The following LAT variants were observed in gnomAD, a reference collection of about 807,000 sequenced individuals.
LAT encodes the protein linker for activation of T cells.
Under a neutral mutation model 39.1 loss-of-function variants are expected in LAT, and 12 were observed. The ratio of observed to expected loss-of-function variants is 0.31; its 90% CI spans 0.20 to 0.50. The LOEUF is 0.50. Ranked by LOEUF, LAT falls within the 20% of genes least tolerant of loss-of-function variation. The probability of loss-of-function intolerance (pLI) is 0.98; values close to 1 mark genes in which losing one functional copy is unlikely to be tolerated. For synonymous variants in LAT, 117 were observed against 123.8 expected (o/e 0.95, Z 0.36); for missense variants, 253 against 308.0 (o/e 0.82, Z 1.34).
rs1290999151 is a variant in LAT, at chr16:28,985,140, T to C, written c.-278T>C. ...GGTAGGGCTGGGACGCAGGGGTAAC[T>C]GGATCCCCCGACTTCAGCCCAGGCC... is the stretch of plus-strand genomic sequence containing the variant. On this transcript the variant is annotated 5_prime_UTR_variant, in exon 1 of 12. Transcript: ENST00000395456. The surrounding 1 kb of genome is among the most constrained non-coding windows in gnomAD (Gnocchi z 4.6). The C allele has an allele frequency of 7.0e-7, 1 of 1,426,910 alleles. No individual in the cohort carries two copies. The highest frequency in any genetic ancestry group is 2.9e-5 in the Admixed American group (1 of 34,344). 88.4% of individuals were successfully genotyped at this position (1,426,910 alleles called of 1,614,324 possible).
At chr16:28,989,643 G>A (rs1567532645) in intron 9 of LAT, 54 bp downstream of exon 9, 1 of 1,587,520 alleles carries the variant, frequency 6.3e-7, no homozygotes, top group South Asian at 1.1e-5. Context: ...GCCCCACCAT[G>A]CTCTCAGTGT....
At chr16:28,987,791 C>T (rs970709039) in intron 8 of LAT, 1 of 152,124 alleles carries the variant, frequency 6.6e-6, no homozygotes, top group Non-Finnish European at 1.5e-5. Context: ...AGGAGGCAGA[C>T]TGTCCTGATA....
rs1423227245 is a variant in LAT, at chr16:28,985,147, C to T, written c.-271C>T. 5 of 1,426,098 alleles carry T rather than the reference C, an allele frequency of 3.5e-6. No individual in the cohort carries two copies. The highest frequency in any genetic ancestry group is 1.8e-6 in the Non-Finnish European group (2 of 1,095,060). 88.3% of individuals were successfully genotyped at this position (1,426,098 alleles called of 1,614,324 possible). On this transcript the variant is annotated 5_prime_UTR_variant, in exon 1 of 12. Transcript: ENST00000395456. The surrounding 1 kb of genome is among the most constrained non-coding windows in gnomAD (Gnocchi z 4.6). ...CTGGGACGCAGGGGTAACTGGATCCCCCGACTTCAGCCCAGGCCCTGGTCT... is the reference window on the plus strand; with the variant it reads ...CTGGGACGCAGGGGTAACTGGATCCTCCGACTTCAGCCCAGGCCCTGGTCT...
rs764545334 is a variant in LAT, at chr16:28,986,202, C to T, written c.231C>T (p.Asp77=). The change falls in exon 4 of 12, where the codon GAC becomes GAT. Residue 77 remains aspartate, a synonymous_variant. Transcript: ENST00000395456. This position sits in a 1 kb window ranked among gnomAD's most constrained non-coding sequence, Gnocchi z 5.7. The part of the protein sequence containing the change: ...VTSYPPLSQP[D]LLPIPRSPQP... ...CCTACCCACCCCTGAGCCAGCCAGA[C>T]CTGCTCCCCATCCCGTGAGTAGCTG... The T allele has an allele frequency of 1.9e-6, 3 of 1,600,956 alleles. No homozygotes were observed.
In LAT at chr16:28,986,006, C is replaced by G; in HGVS notation, c.163+118C>G. The G allele has an allele frequency of 7.0e-7, 1 of 1,431,096 alleles. No individual in the cohort carries two copies. The highest frequency in any genetic ancestry group is 1.7e-5 in the Admixed American group (1 of 59,476). 88.6% of individuals were successfully genotyped at this position (1,431,096 alleles called of 1,614,324 possible). On this transcript the variant is annotated intron_variant, in intron 3 of 11. Coordinates refer to ENST00000395456, the MANE Select transcript of LAT (RefSeq NM_001014987.2). The surrounding 1 kb of genome is among the most constrained non-coding windows in gnomAD (Gnocchi z 5.7). ...TTGGGGCTGCCCACATGGCCTTGAC[C>G]TGAGCTGGGAGAGGGGAGATGGCTC...
At chr16:28,989,196 C>T (rs916202938) in intron 8 of LAT, 27 of 257,590 alleles carry the variant, frequency 1.0e-4, no homozygotes, top group African/African-American at 6.0e-4. Context: ...TCCCACTGCT[C>T]CGAGCCGCAC....
intron 8 of LAT, 181 bp from the exon 9 acceptor site, chr16:28,989,346 C>A (rs1282956655): frequency 1.7e-6 from 1 of 595,860 alleles, no homozygotes; most frequent in Non-Finnish European, 3.0e-6. Context: ...ATCACCAACA[C>A]CATCCTTGCC....
upstream of LAT, chr16:28,984,845 C>T (rs1030951648): frequency 3.2e-6 from 5 of 1,550,254 alleles, no homozygotes; most frequent in African/African-American, 1.4e-5. Flanking sequence ...TGCTCGCTGC[C>T]TCCCCGGGTC....
In LAT at chr16:28,986,399, T is replaced by A; in HGVS notation, c.263T>A (p.Leu88His). The A allele has an allele frequency of 3.1e-6, 5 of 1,613,634 alleles. No homozygotes were observed. Among genetic ancestry groups the A allele is most frequent in the Non-Finnish European group, 4.2e-6 (5 of 1,179,980 alleles). The change falls in exon 5 of 12, where the codon CTT becomes CAT. Residue 88 changes from leucine (L) to histidine (H), a missense_variant. Leu to His is a moderately conservative substitution (Grantham distance 99, BLOSUM62 -3). Coordinates refer to ENST00000395456, the MANE Select transcript of LAT (RefSeq NM_001014987.2). The surrounding 1 kb of genome is among the most constrained non-coding windows in gnomAD (Gnocchi z 5.7). ...ACTCCCAGAAGATCCCCGCAGCCCCTTGGGGGCTCCCACCGGACGCCATCT... is the reference window on the plus strand; with the variant it reads ...ACTCCCAGAAGATCCCCGCAGCCCCATGGGGGCTCCCACCGGACGCCATCT... ...LLPIPRSPQP[L>H]GGSHRTPSSR...
At chr16:28,984,829 C>T, upstream of LAT, 1 of 1,547,130 alleles carries the variant, frequency 6.5e-7, no homozygotes, top group Non-Finnish European at 8.7e-7. Flanking sequence ...ACTGTCAGGG[C>T]CTCCCTGCTC....
chr16:28,986,898 G>A lies in LAT; in HGVS notation c.493+5G>A. The A allele has an allele frequency of 6.2e-7, 1 of 1,612,078 alleles. No individual in the cohort carries two copies. Among genetic ancestry groups the A allele is most frequent in the Non-Finnish European group, 8.5e-7 (1 of 1,178,584 alleles). ...TCCGAGACAGTGCCTTCTCCAGTGAGTCAGGCATTTGTTTTTATTTTTAAA... is the reference window on the plus strand; with the variant it reads ...TCCGAGACAGTGCCTTCTCCAGTGAATCAGGCATTTGTTTTTATTTTTAAA... On this transcript the variant is annotated splice_donor_5th_base_variant and intron_variant, in intron 8 of 11. Coordinates refer to ENST00000395456, the MANE Select transcript of LAT (RefSeq NM_001014987.2). The surrounding 1 kb of genome is among the most constrained non-coding windows in gnomAD (Gnocchi z 5.7).
At chr16:28,989,387 G>A (rs763339932) in intron 8 of LAT, 140 bp from the exon 9 acceptor site, 2 of 691,652 alleles carry the variant, frequency 2.9e-6, no homozygotes, top group Non-Finnish European at 2.5e-6. Flanking sequence ...CATTCTGTGG[G>A]GCTAATGGGG....
rs770851628 is a variant in LAT, at chr16:28,985,751, C to T, written c.128+11C>T. 1.9e-6 allele frequency: 3 copies of T among 1,614,122 alleles called. No individual in the cohort carries two copies. The highest frequency in any genetic ancestry group is 1.1e-5 in the South Asian group (1 of 91,086). On this transcript the variant is annotated intron_variant, in intron 2 of 11. Transcript: ENST00000395456. This position sits in a 1 kb window ranked among gnomAD's most constrained non-coding sequence, Gnocchi z 4.6. ...CACATCCTCAGATAGGTGAGTCCGC[C>T]CCAGCCGCCCTGGGTCTCCCTCCAC... is the stretch of plus-strand genomic sequence containing the variant.
At position 28,986,401 on chromosome 16, in the gene LAT, G is replaced by C. The variant is rs763233534; in HGVS notation, c.265G>C (p.Gly89Arg). The C allele has an allele frequency of 3.7e-6, 6 of 1,613,604 alleles. No individual in the cohort carries two copies. The highest frequency in any genetic ancestry group is 5.1e-6 in the Non-Finnish European group (6 of 1,180,026). Reference protein sequence around the residue: ...LPIPRSPQPLGGSHRTPSSRR... With the variant: ...LPIPRSPQPLRGSHRTPSSRR... ...TCCCAGAAGATCCCCGCAGCCCCTT[G>C]GGGGCTCCCACCGGACGCCATCTTC... The change falls in exon 5 of 12, where the codon GGG becomes CGG. Residue 89 changes from glycine to arginine, a missense_variant. Coordinates refer to ENST00000395456, the MANE Select transcript of LAT (RefSeq NM_001014987.2). The surrounding 1 kb of genome is among the most constrained non-coding windows in gnomAD (Gnocchi z 5.7).
rs1253895647 is a variant in LAT at position 28,985,356 on chromosome 16, G to C, written c.-62G>C. 1 of 1,606,338 alleles carries C rather than the reference G, an allele frequency of 6.2e-7. No individual in the cohort carries two copies. The highest frequency in any genetic ancestry group is 1.1e-5 in the South Asian group (1 of 90,182). ...CCGGTCCTCACCCCATCTTCATCTG[G>C]CCTTGACTCTGCCCTTGAGGGGCCT... On this transcript the variant is annotated 5_prime_UTR_variant, in exon 1 of 12. Transcript: ENST00000395456. This position sits in a 1 kb window ranked among gnomAD's most constrained non-coding sequence, Gnocchi z 4.6.
chr16:28,985,779 C>G lies in LAT; in HGVS notation c.128+39C>G. 6.2e-7 allele frequency: 1 copy of G among 1,613,890 alleles called. No homozygotes were observed. Among genetic ancestry groups the G allele is most frequent in the Non-Finnish European group, 8.5e-7 (1 of 1,179,786 alleles). On this transcript the variant is annotated intron_variant, in intron 2 of 11. Transcript: ENST00000395456. The surrounding 1 kb of genome is among the most constrained non-coding windows in gnomAD (Gnocchi z 4.6). ...AGCCGCCCTGGGTCTCCCTCCACAC[C>G]CCATGGCGGGGCAGGGCTGGGGCTT...
Position 28,985,970 on chromosome 16 carries a change from C to G in LAT, c.163+82C>G, listed in dbSNP as rs1965739289. The G allele has an allele frequency of 1.3e-6, 2 of 1,528,552 alleles. No homozygotes were observed. The highest frequency in any genetic ancestry group is 2.3e-5 in the East Asian group (1 of 44,412). 94.7% of individuals were successfully genotyped at this position (1,528,552 alleles called of 1,614,324 possible). The stretch of plus-strand genomic sequence containing the variant: ...GGAGTGAGCGTGAACCTTCAGACTT[C>G]CCCTGCCACCTTGGGGCTGCCCACA... On this transcript the variant is annotated intron_variant, in intron 3 of 11. Transcript: ENST00000395456. This position sits in a 1 kb window ranked among gnomAD's most constrained non-coding sequence, Gnocchi z 4.6.
chr16:28,989,773 G>A lies in LAT; in HGVS notation c.557-1G>A, dbSNP rs201588794. The A allele has an allele frequency of 6.2e-7, 1 of 1,614,114 alleles. No homozygotes were observed. The highest frequency in any genetic ancestry group is 8.5e-7 in the Non-Finnish European group (1 of 1,180,026). On this transcript the variant is annotated splice_acceptor_variant, in intron 9 of 11. Transcript: ENST00000395456. LOFTEE classifies it high-confidence loss of function. Reference sequence around the variant, plus strand: ...CCCCTCCTTCTGATCTGTCCCCACAGATGGCAGCCGGGAGTATGTGAATGT... The same window carrying A: ...CCCCTCCTTCTGATCTGTCCCCACAAATGGCAGCCGGGAGTATGTGAATGT...
chr16:28,987,913 G>T (rs532534583), intron 8 of LAT: 2 of 149,338 alleles, frequency 1.3e-5, no homozygotes, highest in Admixed American at 6.7e-5. Context: ...GCAACATGGC[G>T]AAACCTCATC....
Sources: allele counts gnomAD v4.1 joint callset, GRCh38; gene constraint gnomAD v4.1.1; non-coding constraint Gnocchi (gnomAD v3.1); transcripts MANE v1.5; gene names NCBI Gene and HGNC (gene_info 2026-07-23, HGNC 2026-07-21).